The following CSMD1 variants were observed in gnomAD, a reference collection of about 807,000 sequenced individuals.
The protein encoded by CSMD1 is CUB and Sushi multiple domains 1, also known as CUB and sushi domain-containing protein 1.
CSMD1 carries 213 observed loss-of-function variants against 417.5 expected under a neutral mutation model. That is an observed-to-expected ratio of 0.51 (90% CI 0.46 to 0.57). The LOEUF (loss-of-function observed/expected upper bound fraction) is 0.57, where lower values mean the gene tolerates loss of function less well. Among genes scored for constraint, CSMD1 ranks in the 20% least tolerant of loss-of-function variants. The pLI is 0.00. For missense variants in CSMD1, 6,923 were observed against 4,529.7 expected (o/e 1.53, Z -15.17); for synonymous variants, 2,862 against 1,736.8 (o/e 1.65, Z -16.11).
At chr8:3,891,030 GC>G (rs1806935350) in intron 5 of CSMD1, among the ~76,000 whole-genome samples, 1 of 151,388 alleles carries the variant, frequency 6.6e-6, no homozygotes, top group African/African-American at 2.4e-5. Context: ...TAATTGAGCA[GC>G]TTTTTTGTTT....
chr8:3,662,281 T>C (rs1252894416), intron 7 of CSMD1, among the ~76,000 whole-genome samples: 1 of 152,238 alleles, frequency 6.6e-6, no homozygotes. Context: ...TTCTTTCTCA[T>C]TGTCACTAGT....
At chr8:4,655,944 C>T (rs936244355) in intron 1 of CSMD1, among the ~76,000 whole-genome samples, 1 of 152,124 alleles carries the variant, frequency 6.6e-6, no homozygotes, top group Non-Finnish European at 1.5e-5. Flanking sequence ...AGACACAGAT[C>T]TGTGCTCCCT....
At chr8:3,282,054 A>G (rs1437823935) in intron 26 of CSMD1, among the ~76,000 whole-genome samples, 2 of 152,118 alleles carry the variant, frequency 1.3e-5, no homozygotes, top group Non-Finnish European at 2.9e-5. Context: ...CCTCCCAGCC[A>G]TGCCTTCTGT....
intron 3 of CSMD1, among the ~76,000 whole-genome samples, chr8:4,405,147 T>C (rs1277287029): frequency 6.6e-6 from 1 of 152,222 alleles, no homozygotes; most frequent in Non-Finnish European, 1.5e-5. Flanking sequence ...ATAGGAGAAG[T>C]ACTCTTACTT....
At chr8:4,362,447 T>C (rs1027042857) in intron 3 of CSMD1, among the ~76,000 whole-genome samples, 2 of 152,188 alleles carry the variant, frequency 1.3e-5, no homozygotes, top group Non-Finnish European at 2.9e-5. Context: ...AGAGTTTTGT[T>C]AAAGGTCCCT....
At chr8:4,664,733 A>G (rs544882879) in intron 1 of CSMD1, among the ~76,000 whole-genome samples, 2 of 152,310 alleles carry the variant, frequency 1.3e-5, no homozygotes, top group South Asian at 4.1e-4. Context: ...ATAAAAGTGT[A>G]GATGCTAATC....
At chr8:3,735,074 G>A (rs974315930) in intron 6 of CSMD1, among the ~76,000 whole-genome samples, 2 of 152,148 alleles carry the variant, frequency 1.3e-5, no homozygotes, top group Non-Finnish European at 2.9e-5. Flanking sequence ...GAGGACACAC[G>A]CCAGCCACCA....
intron 5 of CSMD1, among the ~76,000 whole-genome samples, chr8:3,837,962 T>A (rs76247559): frequency 0.016 from 2,369 of 152,256 alleles, 56 homozygotes; most frequent in African/African-American, 0.053. Context: ...TTCTTATTTT[T>A]CATGAGTTGA....
chr8:3,800,236 C>T (rs1585018580), intron 5 of CSMD1, among the ~76,000 whole-genome samples: 1 of 152,206 alleles, frequency 6.6e-6, no homozygotes, highest in East Asian at 1.9e-4. Flanking sequence ...ATGATACAGT[C>T]ATCCTTTATT....
chr8:4,969,342 A>G (rs1475507918), intron 1 of CSMD1, among the ~76,000 whole-genome samples: 3 of 151,948 alleles, frequency 2.0e-5, no homozygotes, highest in East Asian at 3.9e-4. Context: ...GCATTTCCTT[A>G]TATAATGAGG....
chr8:3,849,652 C>T (rs982651013), intron 5 of CSMD1, among the ~76,000 whole-genome samples: 1 of 152,050 alleles, frequency 6.6e-6, no homozygotes, highest in Non-Finnish European at 1.5e-5. Flanking sequence ...GGTCGAAGTC[C>T]CCAGGGAGGG....
intron 3 of CSMD1, among the ~76,000 whole-genome samples, chr8:4,079,288 C>A (rs1477492505): frequency 1.3e-5 from 2 of 152,182 alleles, no homozygotes; most frequent in East Asian, 1.9e-4. Context: ...AGTACTGTAC[C>A]ATGAGCAGAT....
chr8:4,418,023 C>T (rs1339672509), intron 3 of CSMD1, among the ~76,000 whole-genome samples: 2 of 152,018 alleles, frequency 1.3e-5, no homozygotes, highest in African/African-American at 4.8e-5. Context: ...ATAACGCACA[C>T]TCATTTTTGC....
intron 15 of CSMD1, 72 bp downstream of exon 15, chr8:3,405,955 T>C (rs1371714662): frequency 7.0e-7 from 1 of 1,430,320 alleles, no homozygotes; most frequent in East Asian, 2.3e-5. Flanking sequence ...CACAGTTTGT[T>C]GGTTTGTGTG....
chr8:4,893,333 G>C (rs936004073), intron 1 of CSMD1, among the ~76,000 whole-genome samples: 11 of 151,802 alleles, frequency 7.2e-5, no homozygotes, highest in Non-Finnish European at 1.2e-4. Context: ...ATTTTATGTT[G>C]TTTAGTATTT....
chr8:3,034,906 A>G (rs1351751730), intron 50 of CSMD1, among the ~76,000 whole-genome samples: 1 of 152,210 alleles, frequency 6.6e-6, no homozygotes, highest in Non-Finnish European at 1.5e-5. Flanking sequence ...CAGAAGGCAA[A>G]GCGTGAGCCA....
chr8:4,261,901 T>C (rs777157253), intron 3 of CSMD1, among the ~76,000 whole-genome samples: 1 of 152,196 alleles, frequency 6.6e-6, no homozygotes, highest in Non-Finnish European at 1.5e-5. Context: ...GATGTGGAAC[T>C]TAATCCAAAT....
chr8:4,900,406 T>C lies in CSMD1; in HGVS notation c.85+93926A>G, dbSNP rs374090068. 3.1e-4 allele frequency among the ~76,000 whole-genome samples: 47 copies of C among 152,288 alleles called. No individual in the cohort carries two copies. The East Asian group carries it at 4.6e-3, about 15-fold the overall frequency. ...CCTCCTTCCGCACGCCTCTGCACCA[T>C]ATCTATCACCAATTTCTGGAGATGC... is the stretch of plus-strand genomic sequence containing the variant. On this transcript the variant is annotated intron_variant, in intron 1 of 69. Coordinates refer to ENST00000635120, the MANE Select transcript of CSMD1 (RefSeq NM_033225.6).
At chr8:4,736,161 C>T (rs992915884) in intron 1 of CSMD1, among the ~76,000 whole-genome samples, 2 of 152,104 alleles carry the variant, frequency 1.3e-5, no homozygotes, top group African/African-American at 4.8e-5. Context: ...CACCCTAATG[C>T]TTTCAAATAT....
Sources: allele counts gnomAD v4.1 joint callset (sites outside exome capture counted in the v4.1 genomes callset), GRCh38; gene constraint gnomAD v4.1.1; transcripts MANE v1.5; gene names NCBI Gene and HGNC (gene_info 2026-07-23, HGNC 2026-07-21).